Variants in IGF2BP3 observed in about 807,000 individuals in gnomAD.
The protein encoded by IGF2BP3 is insulin-like growth factor 2 mRNA-binding protein 3.
Under a neutral mutation model 73.8 loss-of-function variants are expected in IGF2BP3, and 9 were observed. The observed-to-expected ratio is 0.12, with a 90% CI of 0.07 to 0.21. The LOEUF (loss-of-function observed/expected upper bound fraction) is 0.21. Among genes scored for constraint, IGF2BP3 ranks in the 10% least tolerant of loss-of-function variants. The pLI, the probability that IGF2BP3 is intolerant of heterozygous loss-of-function variation, is 1.00. For missense variants in IGF2BP3, 542 were observed against 714.0 expected (o/e 0.76, Z 2.75); for synonymous variants, 258 against 256.7 (o/e 1.01, Z -0.05).
chr7:23,442,731 C>A (rs1265656806), intron 2 of IGF2BP3, among the ~76,000 whole-genome samples: 2 of 152,062 alleles, frequency 1.3e-5, no homozygotes, highest in Non-Finnish European at 2.9e-5. Flanking sequence ...CAAGAAATAA[C>A]ATATTATAAT....
chr7:23,400,103 G>A (rs1786611186), intron 3 of IGF2BP3, among the ~76,000 whole-genome samples: 1 of 152,166 alleles, frequency 6.6e-6, no homozygotes, highest in Admixed American at 6.6e-5. Context: ...CAGGAGCTGA[G>A]CAACTAAAGA....
chr7:23,412,058 C>G (rs142556146), intron 3 of IGF2BP3, among the ~76,000 whole-genome samples: 2,262 of 146,376 alleles, frequency 0.015, 71 homozygotes, highest in African/African-American at 0.055. Flanking sequence ...TTTCAGCTCA[C>G]TGCAACCTCT....
chr7:23,445,032 T>C (rs1220532296), intron 2 of IGF2BP3, among the ~76,000 whole-genome samples: 1 of 152,200 alleles, frequency 6.6e-6, no homozygotes, highest in African/African-American at 2.4e-5. Context: ...CATTCCAGCC[T>C]GGGCGGCAGA....
At chr7:23,431,593 A>G (rs918825514) in intron 2 of IGF2BP3, among the ~76,000 whole-genome samples, 5 of 152,296 alleles carry the variant, frequency 3.3e-5, no homozygotes, top group South Asian at 2.1e-4. Context: ...GCAACAGTTA[A>G]AAAGAATGCC....
At chr7:23,434,436 C>T (rs1396606649) in intron 2 of IGF2BP3, among the ~76,000 whole-genome samples, 1 of 152,168 alleles carries the variant, frequency 6.6e-6, no homozygotes, top group African/African-American at 2.4e-5. Flanking sequence ...TAGACTTACA[C>T]AGCCAGACTT....
At chr7:23,363,396 C>A (rs536131290) in intron 3 of IGF2BP3, among the ~76,000 whole-genome samples, 76 of 151,964 alleles carry the variant, frequency 5.0e-4, no homozygotes, top group Non-Finnish European at 1.0e-3. Flanking sequence ...CAGGTGCATG[C>A]CACCACACCT....
intron 2 of IGF2BP3, among the ~76,000 whole-genome samples, chr7:23,464,744 A>G (rs920758127): frequency 6.6e-5 from 10 of 151,510 alleles, no homozygotes; most frequent in Non-Finnish European, 1.3e-4. Context: ...AAAAAATCCT[A>G]CCCTGAAAGG....
chr7:23,355,933 CAA>C (rs35407214), intron 5 of IGF2BP3, among the ~76,000 whole-genome samples: 6,365 of 115,836 alleles, frequency 0.055, 221 homozygotes, highest in South Asian at 0.13. Flanking sequence ...ACTTTGTCTC[CAA>C]AAAAAAAAAA....
Position 23,443,747 on chromosome 7 carries a change from T to C in IGF2BP3, c.236+24735A>G, listed in dbSNP as rs560667994. ...TTTCTGGGCTGGGCACAGTGGCTCA[T>C]GCCTATAATCTCAGCACTTTGGGAG... On this transcript the variant is annotated intron_variant, in intron 2 of 14. Coordinates refer to ENST00000258729, the MANE Select transcript of IGF2BP3 (RefSeq NM_006547.3). Among the ~76,000 whole-genome samples, 6 of 152,244 alleles carry C rather than the reference T, an allele frequency of 3.9e-5. 1 individual carries two copies. In the South Asian group the frequency reaches 8.3e-4, roughly 21 times the overall value.
chr7:23,340,437 A>G lies in IGF2BP3; in HGVS notation c.1203+1627T>C, dbSNP rs1028426680. 3.3e-5 allele frequency among the ~76,000 whole-genome samples: 5 copies of G among 152,152 alleles called. No homozygotes were observed. The South Asian group carries it at 1.0e-3, about 32-fold the overall frequency. ...GGAAATTTTCATTTTTAAAAGGATA[A>G]AAGGGGGACAATCTGAGCCATCTGT... On this transcript the variant is annotated intron_variant, in intron 10 of 14. Transcript: ENST00000258729.
At chr7:23,319,314 ACATT>A (rs1784074438) in intron 10 of IGF2BP3, 60 bp from the exon 11 acceptor site, 1 of 1,120,032 alleles carries the variant, frequency 8.9e-7, no homozygotes, top group Non-Finnish European at 1.3e-6. Flanking sequence ...GCTTTTGTTA[ACATT>A]AGCTTTAGGA....
At chr7:23,334,088 C>A (rs1583898529) in intron 10 of IGF2BP3, among the ~76,000 whole-genome samples, 1 of 152,144 alleles carries the variant, frequency 6.6e-6, no homozygotes, top group Non-Finnish European at 1.5e-5. Context: ...GTACTCCCAG[C>A]ACTTTGGAAG....
At chr7:23,435,704 C>T (rs1787793517) in intron 2 of IGF2BP3, among the ~76,000 whole-genome samples, 2 of 152,170 alleles carry the variant, frequency 1.3e-5, no homozygotes, top group Admixed American at 1.3e-4. Context: ...GATCCACCCA[C>T]CTCGGCCTCC....
rs1785229804 is a variant in IGF2BP3 at position 23,361,563 on chromosome 7, T to A, written c.372A>T (p.Val124=). 10 of 1,612,962 alleles carry A rather than the reference T, an allele frequency of 6.2e-6. No individual in the cohort carries two copies. Among genetic ancestry groups the A allele is most frequent in the Non-Finnish European group, 8.5e-6 (10 of 1,179,736 alleles). The stretch of plus-strand genomic sequence containing the variant: ...TAGCTTGGTCCTTACTGGAATAGGT[T>A]ACATTTACAACTGCAGTTTCCGAGT... ...NTDSETAVVN[V]TYSSKDQARQ... The change falls in exon 5 of 15, where the codon GTA becomes GTT. Residue 124 remains valine, a synonymous_variant. Transcript: ENST00000258729.
intron 2 of IGF2BP3, among the ~76,000 whole-genome samples, chr7:23,458,527 G>C (rs1788371628): frequency 6.6e-6 from 1 of 152,094 alleles, no homozygotes; most frequent in South Asian, 2.1e-4. Context: ...TGCAATCTAA[G>C]AACATATCCC....
chr7:23,454,320 CTAGATA>C (rs1364205355), intron 2 of IGF2BP3, among the ~76,000 whole-genome samples: 2 of 152,118 alleles, frequency 1.3e-5, no homozygotes, highest in African/African-American at 4.8e-5. Flanking sequence ...ATCCATGCAC[CTAGATA>C]TAAAGCACCA....
intron 2 of IGF2BP3, among the ~76,000 whole-genome samples, chr7:23,459,254 T>A (rs1788388501): frequency 6.6e-6 from 1 of 152,206 alleles, no homozygotes; most frequent in South Asian, 2.1e-4. Context: ...TGGTCACTAT[T>A]GTGACCAAAG....
rs1783854325 is a variant in IGF2BP3, at chr7:23,312,310, AAT to A, written c.*50_*51del. On this transcript the variant is annotated 3_prime_UTR_variant, in exon 15 of 15. Transcript: ENST00000258729. The stretch of plus-strand genomic sequence containing the variant: ...GTCAGCGCCCATCTGTTGGTTAAGC[AAT>A]CTGTCTTTGGTTTGGCATCTGCCTC... 2.3e-6 allele frequency: 3 copies of A among 1,298,258 alleles called. No homozygotes were observed. In the East Asian group the frequency reaches 6.9e-5, roughly 30 times the overall value. The allele number at this position is 1,298,258 out of a possible 1,614,324, so 80.4% of individuals were successfully genotyped here.
chr7:23,319,093 T>C, intron 11 of IGF2BP3, 45 bp downstream of exon 11: 8 of 1,178,410 alleles, frequency 6.8e-6, no homozygotes, highest in Non-Finnish European at 8.8e-6. Context: ...CATATTTCTG[T>C]AACTTACTTA....
Sources: allele counts gnomAD v4.1 joint callset (sites outside exome capture counted in the v4.1 genomes callset), GRCh38; gene constraint gnomAD v4.1.1; transcripts MANE v1.5; gene names NCBI Gene and HGNC (gene_info 2026-07-23, HGNC 2026-07-21).